The following DAZAP1 variants were observed in gnomAD, a reference collection of about 807,000 sequenced individuals.
DAZAP1 encodes the protein DAZ-associated protein 1.
DAZAP1 carries 6 observed loss-of-function variants against 60.1 expected under a neutral mutation model. The observed-to-expected ratio is 0.10, with a 90% confidence interval of 0.05 to 0.20. DAZAP1 has a LOEUF of 0.20. Ranked by LOEUF, DAZAP1 falls within the 10% of genes least tolerant of loss-of-function variation. The probability of loss-of-function intolerance (pLI) is 1.00; values close to 1 mark genes in which losing one functional copy is unlikely to be tolerated. For missense variants in DAZAP1, 366 were observed against 560.4 expected, an observed-to-expected ratio of 0.65 and a Z score of 3.50; for synonymous variants, 235 against 215.9, an observed-to-expected ratio of 1.09 and a Z score of -0.78.
Position 1,432,510 on chromosome 19 carries a change from G to T in DAZAP1, c.872-4G>T. 6.2e-7 allele frequency: 1 copy of T among 1,613,740 alleles called. No individual in the cohort carries two copies. On this transcript the variant is annotated splice_region_variant and splice_polypyrimidine_tract_variant and intron_variant, in intron 10 of 11. Coordinates refer to ENST00000233078, the MANE Select transcript of DAZAP1 (RefSeq NM_018959.4). This position sits in a 1 kb window ranked among gnomAD's most constrained non-coding sequence, Gnocchi z 4.9. ...TTGTGCCTTGCCCTCTTGTACCTCT[G>T]CAGGTTTTGGCTACGGGCCTCCACC...
At chr19:1,431,192 C>T (rs1266591372) in intron 10 of DAZAP1, among the ~76,000 whole-genome samples, 1 of 149,302 alleles carries the variant, frequency 6.7e-6, no homozygotes, top group Non-Finnish European at 1.5e-5. Flanking sequence ...GCAGTGGCGC[C>T]ATCTCGGCTT....
Position 1,417,517 on chromosome 19 carries a change from G to C in DAZAP1, c.47G>C (p.Gly16Ala). ...AATCGCAGGAAGCTCTTCGTGGGCGGTCTTGACTGGAGCACGACCCAAGGT... is the reference window on the plus strand; with the variant it reads ...AATCGCAGGAAGCTCTTCGTGGGCGCTCTTGACTGGAGCACGACCCAAGGT... ...ADEIGKLFVG[G>A]LDWSTTQETL... The change falls in exon 2 of 12, where the codon GGT becomes GCT. Residue 16 changes from glycine (G) to alanine (A), a missense_variant. Around this residue, in one of 3 missense-constraint regions of DAZAP1, gnomAD observed 98 missense variants for 155.3 expected, o/e 0.63. Coordinates refer to ENST00000233078, the MANE Select transcript of DAZAP1 (RefSeq NM_018959.4). 1 of 1,607,192 alleles carries C rather than the reference G, an allele frequency of 6.2e-7. No individual in the cohort carries two copies. The highest frequency in any genetic ancestry group is 8.5e-7 in the Non-Finnish European group (1 of 1,177,162).
rs767474129 is a variant in DAZAP1 at position 1,423,235 on chromosome 19, C to T, written c.463+839C>T. 1.3e-5 allele frequency among the ~76,000 whole-genome samples: 2 copies of T among 152,258 alleles called. No homozygotes were observed. Among genetic ancestry groups the T allele is most frequent in the African/African-American group, 2.4e-5 (1 of 41,468 alleles). ...AGCATAGTTTGCCATTTGAACCTCC[C>T]TCCCCACGGTTAGGAGTGCTCCTCC... On this transcript the variant is annotated intron_variant, in intron 6 of 11. Transcript: ENST00000233078. This position sits in a 1 kb window ranked among gnomAD's most constrained non-coding sequence, Gnocchi z 6.8.
intron 10 of DAZAP1, among the ~76,000 whole-genome samples, chr19:1,431,503 C>T (rs2083451803): frequency 6.6e-6 from 1 of 150,642 alleles, no homozygotes; most frequent in African/African-American, 2.5e-5. Context: ...GATCTTGGCT[C>T]ACTACAACCT....
At position 1,426,249 on chromosome 19, in the gene DAZAP1, TG is replaced by T. The variant is rs987718576; in HGVS notation, c.546+293del. Reference sequence around the variant, plus strand: ...TGGGGCTGGGAGGCTGTGGCGGTGTTGGGGCTGGCTCCAGTGAAACCGCAGC... The same window carrying T: ...TGGGGCTGGGAGGCTGTGGCGGTGTTGGGCTGGCTCCAGTGAAACCGCAGC... On this transcript the variant is annotated intron_variant, in intron 7 of 11. Coordinates refer to ENST00000233078, the MANE Select transcript of DAZAP1 (RefSeq NM_018959.4). This position sits in a 1 kb window ranked among gnomAD's most constrained non-coding sequence, Gnocchi z 5.4. 80 of 411,154 alleles carry T rather than the reference TG, an allele frequency of 1.9e-4. 1 individual carries two copies. The highest frequency in any genetic ancestry group is 1.4e-3 in the African/African-American group (71 of 49,158). 25.5% of individuals were successfully genotyped at this position (411,154 alleles called of 1,614,324 possible). A position where few individuals can be genotyped will look rare whatever the true frequency, so the allele number is the denominator to read the frequency against.
chr19:1,428,661 T>G lies in DAZAP1; in HGVS notation c.547-181T>G. 2 of 770,418 alleles carry G rather than the reference T, an allele frequency of 2.6e-6. No individual in the cohort carries two copies. Among genetic ancestry groups the G allele is most frequent in the East Asian group, 3.0e-5 (1 of 33,464 alleles). 47.7% of individuals were successfully genotyped at this position (770,418 alleles called of 1,614,324 possible). On this transcript the variant is annotated intron_variant, in intron 7 of 11. Coordinates refer to ENST00000233078, the MANE Select transcript of DAZAP1 (RefSeq NM_018959.4). This position sits in a 1 kb window ranked among gnomAD's most constrained non-coding sequence, Gnocchi z 4.0. Reference sequence around the variant, plus strand: ...AGAAACATTTTTTAAACAAAAAAATTCAACACAAAAGAATTTTTTAAGAAA... The same window carrying G: ...AGAAACATTTTTTAAACAAAAAAATGCAACACAAAAGAATTTTTTAAGAAA...
chr19:1,418,495 A>G lies in DAZAP1; in HGVS notation c.237+125A>G, dbSNP rs1349005177. ...TGTTTGAACGTGGGGTCGATTGGGA[A>G]GGATTAAGCCTTGGTGCTGAGGCTG... On this transcript the variant is annotated intron_variant, in intron 3 of 11. Transcript: ENST00000233078. The surrounding 1 kb of genome is among the most constrained non-coding windows in gnomAD (Gnocchi z 5.7). 7 of 1,436,820 alleles carry G rather than the reference A, an allele frequency of 4.9e-6. No homozygotes were observed. In the African/African-American group the frequency reaches 8.4e-5, roughly 17 times the overall value. 89.0% of individuals were successfully genotyped at this position (1,436,820 alleles called of 1,614,324 possible). A position where few individuals can be genotyped will look rare whatever the true frequency, so the allele number is the denominator to read the frequency against.
In DAZAP1 at chr19:1,430,270, C is replaced by CCCCCCAAAACA; in HGVS notation, c.779_780insCCCCCAAAACA (p.Phe262GlnfsTer77). The stretch of plus-strand genomic sequence containing the variant: ...GGAAGAGGAGCCCCCCCGCCACCCC[C>CCCCCCAAAACA]ACCGTTCACCTCCTACATCGTGTCC... On this transcript the variant is annotated frameshift_variant, in exon 10 of 12. Coordinates refer to ENST00000233078, the MANE Select transcript of DAZAP1 (RefSeq NM_018959.4). LOFTEE classifies it high-confidence loss of function. 2 of 1,368,650 alleles carry CCCCCCAAAACA rather than the reference C, an allele frequency of 1.5e-6. No homozygotes were observed. Among genetic ancestry groups the CCCCCCAAAACA allele is most frequent in the African/African-American group, 1.4e-5 (1 of 69,660 alleles). 84.8% of individuals were successfully genotyped at this position (1,368,650 alleles called of 1,614,324 possible). A position where few individuals can be genotyped will look rare whatever the true frequency, so the allele number is the denominator to read the frequency against.
rs116066117 is a variant in DAZAP1, at chr19:1,418,592, C to T, written c.238-74C>T. 4,440 of 1,582,566 alleles carry T rather than the reference C, an allele frequency of 2.8e-3. 116 individuals are homozygous for T. In the African/African-American group the frequency reaches 0.053, roughly 19 times the overall value. On this transcript the variant is annotated intron_variant, in intron 3 of 11. Coordinates refer to ENST00000233078, the MANE Select transcript of DAZAP1 (RefSeq NM_018959.4). The surrounding 1 kb of genome is among the most constrained non-coding windows in gnomAD (Gnocchi z 5.7). ...GGGCCGGGCTGCTGTGCCGTGGCTG[C>T]TGTTGTGCTGACACCCTCTTTCCTA...
chr19:1,427,088 A>G (rs1033630339), intron 7 of DAZAP1: 1 of 152,158 alleles, frequency 6.6e-6, no homozygotes, highest in Non-Finnish European at 1.5e-5. Context: ...TTTGAACCCA[A>G]CTAAAACAGG....
At chr19:1,407,880 G>GC in intron 1 of DAZAP1, 78 bp downstream of exon 1, 5 of 1,021,348 alleles carry the variant, frequency 4.9e-6, no homozygotes, top group South Asian at 4.5e-5. Context: ...CTCAGACGCC[G>GC]CCCCCCGGGG....
At position 1,434,785 on chromosome 19, in the gene DAZAP1, C is replaced by T; in HGVS notation, c.1097C>T (p.Pro366Leu). 1 of 1,612,958 alleles carries T rather than the reference C, an allele frequency of 6.2e-7. No homozygotes were observed. The highest frequency in any genetic ancestry group is 8.5e-7 in the Non-Finnish European group (1 of 1,179,500). ...GGCTTCGGACAGGGCTTCTCAGACCCCAGCCAGCAGCCTCCTTCCTACGGG... is the reference window on the plus strand; with the variant it reads ...GGCTTCGGACAGGGCTTCTCAGACCTCAGCCAGCAGCCTCCTTCCTACGGG... ...LSGFGQGFSD[P>L]SQQPPSYGGP... Residue 366 changes from proline to leucine, a missense_variant, in exon 12 of 12, where the codon CCC becomes CTC. Physicochemically the swap from Pro to Leu is moderately conservative, Grantham distance 98. This residue lies in a region of DAZAP1 where 240 missense variants were observed against 308.8 expected (regional missense o/e 0.78). Coordinates refer to ENST00000233078, the MANE Select transcript of DAZAP1 (RefSeq NM_018959.4). This position sits in a 1 kb window ranked among gnomAD's most constrained non-coding sequence, Gnocchi z 8.0.
rs1375176427 is a variant in DAZAP1, at chr19:1,407,723, G to A, written c.-51G>A. 10 of 1,069,228 alleles carry A rather than the reference G, an allele frequency of 9.4e-6. No homozygotes were observed. The highest frequency in any genetic ancestry group is 1.1e-5 in the Non-Finnish European group (10 of 885,648). The allele number at this position is 1,069,228 out of a possible 1,614,324, so 66.2% of individuals were successfully genotyped here. Reference sequence around the variant, plus strand: ...ACGGAGCGGGTGACCTTCCGGAGGCGGGAGCGAGCGAGGAGGCCCGGGAGC... The same window carrying A: ...ACGGAGCGGGTGACCTTCCGGAGGCAGGAGCGAGCGAGGAGGCCCGGGAGC... On this transcript the variant is annotated 5_prime_UTR_variant, in exon 1 of 12. Coordinates refer to ENST00000233078, the MANE Select transcript of DAZAP1 (RefSeq NM_018959.4).
intron 1 of DAZAP1, among the ~76,000 whole-genome samples, chr19:1,413,900 T>A (rs1307144794): frequency 6.6e-6 from 1 of 152,072 alleles, no homozygotes; most frequent in East Asian, 1.9e-4. Context: ...ATTACAAAAA[T>A]TCCCATATCC....
chr19:1,430,430 G>A, intron 10 of DAZAP1, 68 bp downstream of exon 10: 1 of 1,397,760 alleles, frequency 7.2e-7, no homozygotes, highest in Non-Finnish European at 9.5e-7. Flanking sequence ...TGGGCGGGGT[G>A]ATGGGGAGTC....
chr19:1,430,261 C>A lies in DAZAP1; in HGVS notation c.770C>A (p.Pro257Gln). 2.3e-6 allele frequency: 3 copies of A among 1,293,866 alleles called. No homozygotes were observed. The highest frequency in any genetic ancestry group is 3.3e-6 in the Non-Finnish European group (3 of 920,018). The allele number at this position is 1,293,866 out of a possible 1,614,324, so 80.1% of individuals were successfully genotyped here. A position where few individuals can be genotyped will look rare whatever the true frequency, so the allele number is the denominator to read the frequency against. The change falls in exon 10 of 12, where the codon CCG (proline) becomes CAG (glutamine). Residue 257 changes from proline to glutamine, a missense_variant. Physicochemically the swap from Pro to Gln is moderately conservative, Grantham distance 76. Coordinates refer to ENST00000233078, the MANE Select transcript of DAZAP1 (RefSeq NM_018959.4). ...GPPPAGRGAP[P>Q]PPPPFTSYIV... ...CCCCCTGCAGGAAGAGGAGCCCCCC[C>A]GCCACCCCCACCGTTCACCTCCTAC...
intron 6 of DAZAP1, among the ~76,000 whole-genome samples, chr19:1,424,460 C>T (rs1356481989): frequency 2.0e-5 from 3 of 151,192 alleles, no homozygotes; most frequent in Admixed American, 2.0e-4. Flanking sequence ...CCACAGTGAC[C>T]TTTGTCCCCT....
Position 1,418,742 on chromosome 19 carries a change from G to C in DAZAP1, c.303+11G>C, listed in dbSNP as rs766885892. The C allele has an allele frequency of 6.3e-7, 1 of 1,599,120 alleles. No individual in the cohort carries two copies. The highest frequency in any genetic ancestry group is 8.5e-7 in the Non-Finnish European group (1 of 1,172,494). ...CCGAAGGAAGGATGGGTAAGGGGCT[G>C]GGCCGGGCGGCCTCCTTGTGTGTTC... On this transcript the variant is annotated intron_variant, in intron 4 of 11. Coordinates refer to ENST00000233078, the MANE Select transcript of DAZAP1 (RefSeq NM_018959.4). This position sits in a 1 kb window ranked among gnomAD's most constrained non-coding sequence, Gnocchi z 5.7.
At position 1,432,787 on chromosome 19, in the gene DAZAP1, C is replaced by A; in HGVS notation, c.1048+97C>A. On this transcript the variant is annotated intron_variant, in intron 11 of 11. Coordinates refer to ENST00000233078, the MANE Select transcript of DAZAP1 (RefSeq NM_018959.4). The surrounding 1 kb of genome is among the most constrained non-coding windows in gnomAD (Gnocchi z 4.9). ...TCCTCCCCTGCTGGACGCTCCCCAG[C>A]CTTTACCTGGTGGGAAAGGGGAGAG... The A allele has an allele frequency of 7.2e-7, 1 of 1,383,606 alleles. No individual in the cohort carries two copies. Among genetic ancestry groups the A allele is most frequent in the Non-Finnish European group, 9.8e-7 (1 of 1,016,882 alleles). 85.7% of individuals were successfully genotyped at this position (1,383,606 alleles called of 1,614,324 possible).
Sources: allele counts gnomAD v4.1 joint callset (sites outside exome capture counted in the v4.1 genomes callset), GRCh38; gene constraint gnomAD v4.1.1; regional missense constraint gnomAD v4.1.1; non-coding constraint Gnocchi (gnomAD v3.1); transcripts MANE v1.5; gene names NCBI Gene and HGNC (gene_info 2026-07-23, HGNC 2026-07-21).